The following COL12A1 variants were observed in gnomAD, a reference collection of about 807,000 sequenced individuals.
The protein encoded by COL12A1 is collagen type XII alpha 1 chain.
In COL12A1, 114 loss-of-function variants were observed where a neutral mutation model predicts 349.7. That is an observed-to-expected ratio of 0.33 (90% CI 0.28 to 0.38). The LOEUF is 0.38. COL12A1 is among the 10% of genes least tolerant of loss of function. The pLI is 1.00. For synonymous variants in COL12A1, 1,369 were observed against 1,329.0 expected, an observed-to-expected ratio of 1.03 and a Z score of -0.66; for missense variants, 3,284 against 3,756.9, an observed-to-expected ratio of 0.87 and a Z score of 3.29.
Position 75,183,522 on chromosome 6 carries a change from T to C in COL12A1, c.1419A>G (p.Ser473=). The C allele has an allele frequency of 6.2e-7, 1 of 1,614,164 alleles. No homozygotes were observed. The part of the protein sequence containing the change: ...LEVLVKSFEI[S]PNRVQISLVQ... ...CAAGACTAATCTGGACCCTATTTGG[T>C]GAAATTTCAAAACTTTTTACAAGAA... Residue 473 remains serine (S), a synonymous_variant, in exon 10 of 66, where the codon TCA becomes TCG. Transcript: ENST00000322507.
intron 55 of COL12A1, 82 bp downstream of exon 55, chr6:75,103,675 C>T (rs1204614875): frequency 8.4e-7 from 1 of 1,189,626 alleles, no homozygotes; most frequent in Non-Finnish European, 1.2e-6. Context: ...TGCTCAAGAT[C>T]ACATACCCCC....
rs777153936 is a variant in COL12A1 at position 75,089,179 on chromosome 6, G to T, written c.8942-5C>A. The T allele has an allele frequency of 6.2e-7, 1 of 1,600,040 alleles. No homozygotes were observed. Among genetic ancestry groups the T allele is most frequent in the Non-Finnish European group, 8.5e-7 (1 of 1,175,834 alleles). On this transcript the variant is annotated splice_region_variant and splice_polypyrimidine_tract_variant and intron_variant, in intron 63 of 65. Transcript: ENST00000322507. ...CACCTTTCTCTCCTGGCAAACCTAA[G>T]GAGGGAGAAAAAGAGAAAGCACAGG...
At chr6:75,175,490 T>C (rs920104606) in intron 12 of COL12A1, among the ~76,000 whole-genome samples, 180 bp from the exon 13 acceptor site, 1 of 152,216 alleles carries the variant, frequency 6.6e-6, no homozygotes, top group Non-Finnish European at 1.5e-5. Flanking sequence ...AGACCCTATA[T>C]GTTAGTAGAA....
At chr6:75,126,198 A>C (rs189708051) in intron 39 of COL12A1, among the ~76,000 whole-genome samples, 153 bp downstream of exon 39, 126 of 152,288 alleles carry the variant, frequency 8.3e-4, no homozygotes, top group African/African-American at 2.7e-3. Context: ...CTGGCTTAAA[A>C]TGTTATTGCC....
rs2149383664 is a variant in COL12A1 at position 75,130,863 on chromosome 6, T to C, written c.6056A>G (p.Gln2019Arg). 6.2e-7 allele frequency: 1 copy of C among 1,614,034 alleles called. No individual in the cohort carries two copies. The highest frequency in any genetic ancestry group is 2.2e-5 in the East Asian group (1 of 44,862). Residue 2019 changes from glutamine to arginine, a missense_variant, in exon 36 of 66, where the codon CAG becomes CGG. Around this residue, in one of 2 missense-constraint regions of COL12A1, gnomAD observed 2,601 missense variants for 2,824.8 expected, o/e 0.92. Coordinates refer to ENST00000322507, the MANE Select transcript of COL12A1 (RefSeq NM_004370.6). ...SDGEGNPSPA[Q>R]GRTLPRSGPR... Reference sequence around the variant, plus strand: ...GATTTCTGCCTCACGCGTTCGGCCCTGGGCAGGGCTGGGATTTCCCTCTCC... The same window carrying C: ...GATTTCTGCCTCACGCGTTCGGCCCCGGGCAGGGCTGGGATTTCCCTCTCC...
intron 8 of COL12A1, among the ~76,000 whole-genome samples, chr6:75,185,916 G>A (rs903125866): frequency 4.1e-4 from 63 of 152,230 alleles, no homozygotes; most frequent in Middle Eastern, 6.8e-3. Context: ...CTAGCCATAC[G>A]CAAAAGACTG....
intron 14 of COL12A1, among the ~76,000 whole-genome samples, chr6:75,164,759 C>A (rs777341606): frequency 2.0e-4 from 31 of 152,052 alleles, no homozygotes; most frequent in Non-Finnish European, 3.5e-4. Context: ...AAACAAATAA[C>A]CTTTTAGGAT....
At chr6:75,181,241 A>G (rs1046969015) in intron 10 of COL12A1, 30 bp from the exon 11 acceptor site, 1 of 1,558,564 alleles carries the variant, frequency 6.4e-7, no homozygotes, top group Non-Finnish European at 8.7e-7. Flanking sequence ...GACAGTTAAA[A>G]ATGCTTGAAT....
chr6:75,195,914 C>T (rs240435), intron 2 of COL12A1, among the ~76,000 whole-genome samples: 200 of 152,138 alleles, frequency 1.3e-3, no homozygotes, highest in African/African-American at 3.8e-3. Context: ...GACATGACTG[C>T]GCATAAAAAC....
intron 13 of COL12A1, among the ~76,000 whole-genome samples, chr6:75,174,293 C>T (rs1768795191): frequency 6.6e-6 from 1 of 152,052 alleles, no homozygotes; most frequent in Admixed American, 6.5e-5. Flanking sequence ...CGCGGTGGCT[C>T]AGGCCTGTAA....
intron 52 of COL12A1, among the ~76,000 whole-genome samples, chr6:75,106,893 C>CT (rs1554169054): frequency 2.2e-5 from 2 of 89,468 alleles, no homozygotes; most frequent in Admixed American, 1.2e-4. Context: ...TTTCTTTTTT[C>CT]TTTTTCTTTT....
intron 11 of COL12A1, among the ~76,000 whole-genome samples, chr6:75,178,888 G>A (rs1769118100): frequency 6.6e-6 from 1 of 152,190 alleles, no homozygotes; most frequent in Non-Finnish European, 1.5e-5. Flanking sequence ...AGAAATGGTA[G>A]TTGGCCAACT....
intron 21 of COL12A1, among the ~76,000 whole-genome samples, chr6:75,149,005 CTT>C (rs1222981893): frequency 6.6e-6 from 1 of 152,118 alleles, no homozygotes; most frequent in Non-Finnish European, 1.5e-5. Flanking sequence ...CATTCTCTCT[CTT>C]GCCTGCCACC....
chr6:75,137,378 A>C, intron 31 of COL12A1, 59 bp downstream of exon 31: 1 of 1,456,606 alleles, frequency 6.9e-7, no homozygotes, highest in Admixed American at 2.4e-5. Flanking sequence ...GAGGGGGAAA[A>C]AGAGTTTGAA....
Position 75,115,720 on chromosome 6 carries a change from G to C in COL12A1, c.7697+64C>G, listed in dbSNP as rs545455296. On this transcript the variant is annotated intron_variant, in intron 49 of 65. Coordinates refer to ENST00000322507, the MANE Select transcript of COL12A1 (RefSeq NM_004370.6). ...AAAGTCCCAGGATTCTGGGAAGTCA[G>C]CAAATATTCCAAGAACTTTTTGCAG... The C allele has an allele frequency of 3.3e-6, 5 of 1,536,382 alleles. No homozygotes were observed. In the African/African-American group the frequency reaches 5.6e-5, roughly 17 times the overall value.
chr6:75,116,555 T>C (rs952403925), intron 47 of COL12A1, among the ~76,000 whole-genome samples: 1 of 152,094 alleles, frequency 6.6e-6, no homozygotes, highest in Non-Finnish European at 1.5e-5. Context: ...CCAGGACTAC[T>C]TGGGACAGAA....
intron 21 of COL12A1, among the ~76,000 whole-genome samples, chr6:75,148,711 T>C (rs1767328561): frequency 6.6e-6 from 1 of 152,128 alleles, no homozygotes; most frequent in Non-Finnish European, 1.5e-5. Context: ...CCTCAAAAGA[T>C]TAAAACATGA....
At position 75,183,704 on chromosome 6, in the gene COL12A1, A is replaced by C. The variant is rs1769455655; in HGVS notation, c.1289-52T>G. ...ACTTCAATACATATTAATCATTAAA[A>C]TATACATATCTAGCTTTCTTAGTAA... On this transcript the variant is annotated intron_variant, in intron 9 of 65. Coordinates refer to ENST00000322507, the MANE Select transcript of COL12A1 (RefSeq NM_004370.6). 2.6e-6 allele frequency: 4 copies of C among 1,545,490 alleles called. No individual in the cohort carries two copies. The South Asian group carries it at 5.1e-5, about 20-fold the overall frequency.
chr6:75,195,055 A>G (rs1770148148), intron 2 of COL12A1, 108 bp from the exon 3 acceptor site: 8 of 625,328 alleles, frequency 1.3e-5, no homozygotes, highest in South Asian at 2.7e-5. Context: ...GTCTTTGCAT[A>G]AATTTGTTTC....
Sources: gnomAD v4.1 joint callset for allele counts (sites outside exome capture counted in the v4.1 genomes callset) on GRCh38, gnomAD v4.1.1 for gene constraint, gnomAD v4.1.1 regional missense constraint, MANE v1.5 for transcripts, NCBI Gene and HGNC (gene_info 2026-07-23, HGNC 2026-07-21) for gene names.